LINGO2: variants seen among roughly 807,000 people sequenced by gnomAD.
The protein encoded by LINGO2 is leucine-rich repeat and immunoglobulin-like domain-containing nogo receptor-interacting protein 2.
Under a neutral mutation model 30.6 loss-of-function variants are expected in LINGO2, and 14 were observed. The ratio of observed to expected loss-of-function variants is 0.46; its 90% CI spans 0.30 to 0.72. The LOEUF (loss-of-function observed/expected upper bound fraction) is 0.72, where lower values mean the gene tolerates loss of function less well. LINGO2 is among the 30% of genes least tolerant of loss of function. The pLI is 0.07. For synonymous variants in LINGO2, 317 were observed against 288.5 expected (o/e 1.10, Z -1.00); for missense variants, 729 against 751.7 (o/e 0.97, Z 0.35).
the LINGO2 span, among the ~76,000 whole-genome samples, chr9:28,914,916 A>T: frequency 6.6e-6 from 1 of 152,092 alleles, no homozygotes; most frequent in Non-Finnish European, 1.5e-5. Context: ...GCGGATCACA[A>T]GGTCAAGAGA....
chr9:28,208,636 G>A (rs867133103), intron 4 of LINGO2, among the ~76,000 whole-genome samples: 11 of 151,836 alleles, frequency 7.2e-5, no homozygotes, highest in Admixed American at 2.0e-4. Context: ...TTACTTCTAC[G>A]GAGAATAAAC....
the LINGO2 span, among the ~76,000 whole-genome samples, chr9:28,683,763 C>T: frequency 1.8e-4 from 27 of 152,322 alleles, no homozygotes; most frequent in Admixed American, 9.8e-4. Context: ...ACTCATTCAG[C>T]AGCTGCTATG....
At chr9:28,613,342 A>C (rs1198013278) in intron 1 of LINGO2, among the ~76,000 whole-genome samples, 4 of 152,040 alleles carry the variant, frequency 2.6e-5, no homozygotes, top group African/African-American at 9.7e-5. Flanking sequence ...TGTATTTTCT[A>C]AATGTATCTA....
At chr9:28,310,153 A>G (rs1409143480) in intron 3 of LINGO2, among the ~76,000 whole-genome samples, 1 of 152,190 alleles carries the variant, frequency 6.6e-6, no homozygotes, top group Non-Finnish European at 1.5e-5. Flanking sequence ...TGTTAAGCAT[A>G]CACAAATATA....
the LINGO2 span, among the ~76,000 whole-genome samples, chr9:28,847,412 T>A: frequency 2.7e-5 from 4 of 147,488 alleles, 1 homozygote; most frequent in Non-Finnish European, 6.0e-5. Flanking sequence ...ATCACAGGGT[T>A]TAATTTATGG....
chr9:29,177,457 T>A, the LINGO2 span, among the ~76,000 whole-genome samples: 1 of 152,198 alleles, frequency 6.6e-6, no homozygotes, highest in African/African-American at 2.4e-5. Context: ...CTTATTTTCA[T>A]TGACTTTTCA....
At chr9:28,195,526 TC>T (rs1339903128) in intron 4 of LINGO2, among the ~76,000 whole-genome samples, 18 of 107,760 alleles carry the variant, frequency 1.7e-4, no homozygotes, top group Non-Finnish European at 2.6e-4. Context: ...AAAATAAATA[TC>T]ATAATTATAA....
intron 1 of LINGO2, among the ~76,000 whole-genome samples, chr9:28,527,421 A>G (rs930451159): frequency 6.6e-6 from 1 of 152,146 alleles, no homozygotes; most frequent in Non-Finnish European, 1.5e-5. Context: ...GGTAAAGTCC[A>G]TGTTCTCAGG....
intron 1 of LINGO2, among the ~76,000 whole-genome samples, chr9:28,616,702 A>C (rs2135806237): frequency 6.6e-6 from 1 of 152,328 alleles, no homozygotes; most frequent in African/African-American, 2.4e-5. Flanking sequence ...CTGTGTGGAC[A>C]CTGTGCAATC....
At chr9:28,400,362 C>T (rs1822212219) in intron 2 of LINGO2, among the ~76,000 whole-genome samples, 1 of 152,070 alleles carries the variant, frequency 6.6e-6, no homozygotes, top group South Asian at 2.1e-4. Flanking sequence ...ATTATGAACA[C>T]CTCTTTCCAG....
At chr9:28,805,785 T>G in the LINGO2 span, among the ~76,000 whole-genome samples, 1 of 152,060 alleles carries the variant, frequency 6.6e-6, no homozygotes, top group Admixed American at 6.6e-5. Context: ...CTCTAGGTAA[T>G]GATTGCGGTA....
chr9:28,968,302 A>G, the LINGO2 span, among the ~76,000 whole-genome samples: 888 of 152,248 alleles, frequency 5.8e-3, 8 homozygotes, highest in African/African-American at 0.021. Context: ...TGGCTGGGCT[A>G]TATCTCCTTT....
chr9:28,892,776 T>C, the LINGO2 span, among the ~76,000 whole-genome samples: 1 of 152,012 alleles, frequency 6.6e-6, no homozygotes, highest in East Asian at 1.9e-4. Flanking sequence ...TACACAATAC[T>C]GTTCCTTAAA....
At chr9:29,180,058 G>A in the LINGO2 span, among the ~76,000 whole-genome samples, 2 of 152,180 alleles carry the variant, frequency 1.3e-5, no homozygotes, top group Non-Finnish European at 2.9e-5. Flanking sequence ...TAGGTAGATA[G>A]GAGGAAGGCA....
At chr9:28,726,317 C>T in the LINGO2 span, among the ~76,000 whole-genome samples, 2 of 152,012 alleles carry the variant, frequency 1.3e-5, no homozygotes, top group African/African-American at 4.8e-5. Flanking sequence ...GGAAGATCAC[C>T]TGCTGAAGTG....
chr9:28,593,784 GT>G (rs1414098720), intron 1 of LINGO2, among the ~76,000 whole-genome samples: 41 of 151,984 alleles, frequency 2.7e-4, no homozygotes, highest in African/African-American at 9.7e-4. Context: ...TCACTTCCAG[GT>G]GCTGCAACTT....
intron 1 of LINGO2, among the ~76,000 whole-genome samples, chr9:28,534,358 C>A (rs960170334): frequency 2.0e-5 from 3 of 152,052 alleles, no homozygotes; most frequent in Admixed American, 6.6e-5. Flanking sequence ...TGGTTGACTA[C>A]CTAAATACAA....
chr9:29,040,190 G>A, the LINGO2 span, among the ~76,000 whole-genome samples: 2 of 151,914 alleles, frequency 1.3e-5, no homozygotes, highest in African/African-American at 4.8e-5. Context: ...ATATTATTAT[G>A]CAACTGCACC....
intron 4 of LINGO2, among the ~76,000 whole-genome samples, chr9:28,260,100 G>A (rs1291542477): frequency 1.3e-5 from 2 of 151,524 alleles, no homozygotes; most frequent in Non-Finnish European, 2.9e-5. Flanking sequence ...GACCTGACTT[G>A]AAAAAAACTT....
Sources: gnomAD v4.1 joint callset for allele counts (sites outside exome capture counted in the v4.1 genomes callset) on GRCh38, gnomAD v4.1.1 for gene constraint, MANE v1.5 for transcripts, NCBI Gene and HGNC (gene_info 2026-07-23, HGNC 2026-07-21) for gene names.